Variants in MIPOL1 observed in about 807,000 individuals in gnomAD.
MIPOL1 encodes the protein mirror-image polydactyly gene 1 protein.
Under a neutral mutation model 60.9 loss-of-function variants are expected in MIPOL1, and 57 were observed. That is an observed-to-expected ratio of 0.94 (90% CI 0.76 to 1.17). MIPOL1 has a LOEUF of 1.17. Among genes scored for constraint, MIPOL1 ranks in the 50% most tolerant of loss-of-function variants. MIPOL1 has a pLI of 0.00. For missense variants in MIPOL1, 551 were observed against 511.6 expected (o/e 1.08, Z -0.74); for synonymous variants, 179 against 168.8 (o/e 1.06, Z -0.47).
chr14:37,313,676 C>T (rs915047407), intron 9 of MIPOL1, among the ~76,000 whole-genome samples: 4 of 152,126 alleles, frequency 2.6e-5, no homozygotes, highest in Admixed American at 6.6e-5. Context: ...TCTTTATGTA[C>T]ATGCGTGTTT....
intron 6 of MIPOL1, 85 bp downstream of exon 6, chr14:37,270,610 T>G: frequency 1.9e-6 from 1 of 532,908 alleles, no homozygotes; most frequent in Non-Finnish European, 3.0e-6. Context: ...ACTAGCATAC[T>G]GGCTTATTTG....
At position 37,499,971 on chromosome 14, in the gene MIPOL1, A is replaced by C. The variant is rs757105271; in HGVS notation, c.1095A>C (p.Thr365=). 5.0e-6 allele frequency: 8 copies of C among 1,612,956 alleles called. No homozygotes were observed. The highest frequency in any genetic ancestry group is 3.3e-5 in the Admixed American group (2 of 59,982). The part of the protein sequence containing the change: ...LKDQFNYTLS[T]YEEALKNREN... ...ATCAGTTTAACTATACCCTTAGTAC[A>C]TATGAAGAAGCTTTAAAAAACAGAG... The change falls in exon 12 of 13, where the codon ACA becomes ACC. Residue 365 remains threonine (T), a synonymous_variant. Transcript: ENST00000684589.
intron 9 of MIPOL1, among the ~76,000 whole-genome samples, chr14:37,355,862 G>T (rs936756864): frequency 3.4e-5 from 5 of 149,060 alleles, no homozygotes; most frequent in Non-Finnish European, 7.5e-5. Context: ...ATGTCCTCCT[G>T]TAGCTCAGAG....
chr14:37,351,851 T>C (rs1160738673), intron 9 of MIPOL1, among the ~76,000 whole-genome samples: 5 of 150,326 alleles, frequency 3.3e-5, no homozygotes, highest in Admixed American at 6.7e-5. Context: ...TTCTCCCATT[T>C]TGTAGGTTGC....
intron 9 of MIPOL1, among the ~76,000 whole-genome samples, chr14:37,325,736 A>G (rs1288871918): frequency 6.6e-6 from 1 of 152,078 alleles, no homozygotes; most frequent in Non-Finnish European, 1.5e-5. Flanking sequence ...CATGAATATA[A>G]GGGACACCCT....
chr14:37,381,749 A>ATTT (rs71127215), intron 10 of MIPOL1, among the ~76,000 whole-genome samples: 1 of 146,056 alleles, frequency 6.8e-6, no homozygotes. Context: ...TGCCCTGCTA[A>ATTT]TTTTTTTTTT....
chr14:37,436,548 A>G (rs2094166391), intron 11 of MIPOL1, among the ~76,000 whole-genome samples: 1 of 152,258 alleles, frequency 6.6e-6, no homozygotes, highest in Non-Finnish European at 1.5e-5. Context: ...TGCAAAAACA[A>G]TAAATGTTAA....
At chr14:37,451,764 C>T (rs952439862) in intron 11 of MIPOL1, among the ~76,000 whole-genome samples, 1 of 148,950 alleles carries the variant, frequency 6.7e-6, no homozygotes, top group African/African-American at 2.5e-5. Context: ...CAAAATGTAT[C>T]AAAGAAATCA....
intron 9 of MIPOL1, among the ~76,000 whole-genome samples, chr14:37,360,262 G>A (rs1289206892): frequency 6.6e-6 from 1 of 152,160 alleles, no homozygotes; most frequent in Non-Finnish European, 1.5e-5. Context: ...ATTGATCAGG[G>A]ATGTTGGTCT....
intron 11 of MIPOL1, among the ~76,000 whole-genome samples, chr14:37,427,330 A>G (rs1009266922): frequency 6.6e-6 from 1 of 152,224 alleles, no homozygotes; most frequent in African/African-American, 2.4e-5. Flanking sequence ...GAAAGATTGT[A>G]TGATTCCACT....
intron 11 of MIPOL1, among the ~76,000 whole-genome samples, chr14:37,486,986 T>G (rs1223319349): frequency 6.6e-6 from 1 of 152,090 alleles, no homozygotes; most frequent in Non-Finnish European, 1.5e-5. Flanking sequence ...ATGAATAGCT[T>G]TTACTATTTT....
chr14:37,286,730 A>G (rs1202816159), intron 7 of MIPOL1, among the ~76,000 whole-genome samples: 2 of 152,148 alleles, frequency 1.3e-5, no homozygotes, highest in Admixed American at 6.6e-5. Context: ...TTTTTTTTGA[A>G]GATTGATAGG....
intron 11 of MIPOL1, among the ~76,000 whole-genome samples, chr14:37,482,139 C>T (rs1463090721): frequency 6.6e-6 from 1 of 152,100 alleles, no homozygotes; most frequent in African/African-American, 2.4e-5. Flanking sequence ...TATGATGAGA[C>T]AGCCTATGGA....
chr14:37,422,675 A>G (rs1022985853), intron 10 of MIPOL1, among the ~76,000 whole-genome samples, 180 bp from the exon 11 acceptor site: 3 of 151,902 alleles, frequency 2.0e-5, no homozygotes, highest in African/African-American at 7.2e-5. Context: ...TCAAGTTTTT[A>G]GTGTTTGTAT....
intron 10 of MIPOL1, among the ~76,000 whole-genome samples, chr14:37,418,016 G>A (rs1383780181): frequency 1.3e-5 from 2 of 152,032 alleles, no homozygotes; most frequent in Non-Finnish European, 2.9e-5. Flanking sequence ...TCCTTTCCAA[G>A]TCTAAAATTA....
chr14:37,224,659 T>C (rs1158169522), intron 1 of MIPOL1, among the ~76,000 whole-genome samples: 2 of 152,114 alleles, frequency 1.3e-5, no homozygotes, highest in Admixed American at 1.3e-4. Context: ...ATGGGAGTTA[T>C]AATCCAAGAT....
intron 3 of MIPOL1, among the ~76,000 whole-genome samples, chr14:37,265,991 TAATTA>T (rs1182352670): frequency 6.6e-6 from 1 of 152,128 alleles, no homozygotes; most frequent in Non-Finnish European, 1.5e-5. Flanking sequence ...TAAACATTTA[TAATTA>T]AATTTTAGAA....
intron 10 of MIPOL1, among the ~76,000 whole-genome samples, chr14:37,395,208 G>C (rs1317966679): frequency 1.3e-5 from 2 of 152,008 alleles, no homozygotes; most frequent in African/African-American, 4.8e-5. Context: ...TTCCAAATTT[G>C]TTCTTTTTGC....
Position 37,428,661 on chromosome 14 carries a change from C to CTT in MIPOL1, c.1031+5728_1031+5729dup, listed in dbSNP as rs34932209. 5.1e-3 allele frequency among the ~76,000 whole-genome samples: 619 copies of CTT among 122,274 alleles called. 6 individuals are homozygous for CTT. The highest frequency in any genetic ancestry group is 0.018 in the African/African-American group (581 of 32,206). The allele number at this position is 122,274 out of a possible 152,430, so 80.2% of individuals were successfully genotyped here. ...AAAAAGTGGGTTTTTTTCCAAAAAT[C>CTT]TTTTTTTTTTTTTTTTTCTGGTTTA... On this transcript the variant is annotated intron_variant, in intron 11 of 12. Transcript: ENST00000684589.
Sources: allele counts gnomAD v4.1 joint callset (sites outside exome capture counted in the v4.1 genomes callset), GRCh38; gene constraint gnomAD v4.1.1; transcripts MANE v1.5; gene names NCBI Gene and HGNC (gene_info 2026-07-23, HGNC 2026-07-21).